Variants in RBX1 observed in about 807,000 individuals in gnomAD.
RBX1 encodes the protein ring-box 1.
For missense variants in RBX1, 46 were observed against 141.4 expected (o/e 0.33, Z 3.42); for synonymous variants, 48 against 47.9 (o/e 1.00, Z -0.01).
chr22:40,970,922 C>T (rs1365942803), intron 4 of RBX1, among the ~76,000 whole-genome samples: 2 of 152,102 alleles, frequency 1.3e-5, no homozygotes, highest in Admixed American at 1.3e-4. Context: ...CTGTTGGGCT[C>T]CCTTCAGCAA....
chr22:40,967,934 G>A, intron 4 of RBX1, 50 bp downstream of exon 4: 2 of 1,299,038 alleles, frequency 1.5e-6, no homozygotes, highest in Non-Finnish European at 1.1e-6. Flanking sequence ...GCCTCAGGCT[G>A]AAAGGAGCGT....
intron 2 of RBX1, among the ~76,000 whole-genome samples, 183 bp downstream of exon 2, chr22:40,953,816 A>G (rs1365736741): frequency 6.6e-6 from 1 of 152,170 alleles, no homozygotes; most frequent in African/African-American, 2.4e-5. Context: ...TCCTGGAGGC[A>G]TACCCAGCTC....
intron 3 of RBX1, 57 bp downstream of exon 3, chr22:40,964,174 G>A (rs1391630579): frequency 7.4e-7 from 1 of 1,348,430 alleles, no homozygotes. Flanking sequence ...CACTTTTCCT[G>A]CTTTGCTAGT....
intron 2 of RBX1, among the ~76,000 whole-genome samples, chr22:40,960,624 AATAC>A (rs2058337272): frequency 6.6e-6 from 1 of 152,154 alleles, no homozygotes; most frequent in Non-Finnish European, 1.5e-5. Flanking sequence ...CTAATTTTAT[AATAC>A]ATAGTCTTCC....
chr22:40,961,217 A>G (rs1162930024), intron 2 of RBX1, among the ~76,000 whole-genome samples: 2 of 147,476 alleles, frequency 1.4e-5, no homozygotes. Context: ...CCTCCTTAGT[A>G]GCTGGGACCA....
intron 2 of RBX1, among the ~76,000 whole-genome samples, chr22:40,960,762 T>A (rs879702740): frequency 2.0e-5 from 3 of 152,042 alleles, no homozygotes; most frequent in Non-Finnish European, 4.4e-5. Flanking sequence ...CTAGATCCCT[T>A]TTTTGTTTGT....
chr22:40,971,538 T>C (rs1983489439), intron 4 of RBX1, among the ~76,000 whole-genome samples: 1 of 152,048 alleles, frequency 6.6e-6, no homozygotes, highest in South Asian at 2.1e-4. Flanking sequence ...AGAAATTCCT[T>C]GGCTTTATTT....
chr22:40,951,561 T>G, intron 1 of RBX1, 85 bp downstream of exon 1: 1 of 1,328,986 alleles, frequency 7.5e-7, no homozygotes, highest in Non-Finnish European at 1.0e-6. Flanking sequence ...AGGCGCGGAG[T>G]AAAGGGTTTC....
At chr22:40,962,183 C>T (rs1024065912) in intron 2 of RBX1, among the ~76,000 whole-genome samples, 11 of 152,044 alleles carry the variant, frequency 7.2e-5, no homozygotes, top group African/African-American at 2.7e-4. Context: ...CTCACTGCAA[C>T]CTCTGCCCCT....
intron 2 of RBX1, among the ~76,000 whole-genome samples, chr22:40,962,349 G>A (rs1052245000): frequency 6.6e-6 from 1 of 152,056 alleles, no homozygotes; most frequent in Non-Finnish European, 1.5e-5. Flanking sequence ...CTCTCATAGT[G>A]CTGGCATTAC....
At chr22:40,958,959 A>G (rs1203030137) in intron 2 of RBX1, among the ~76,000 whole-genome samples, 1 of 152,074 alleles carries the variant, frequency 6.6e-6, no homozygotes, top group East Asian at 1.9e-4. Context: ...GACTGCAGGT[A>G]TGCACCAGCA....
Position 40,972,720 on chromosome 22 carries a change from T to G in RBX1, c.*232T>G, listed in dbSNP as rs2058372424. 1 of 477,824 alleles carries G rather than the reference T, an allele frequency of 2.1e-6. No homozygotes were observed. Among genetic ancestry groups the G allele is most frequent in the Admixed American group, 3.4e-5 (1 of 29,138 alleles). The allele number at this position is 477,824 out of a possible 1,614,324, so 29.6% of individuals were successfully genotyped here. ...GTGAACATAAATGAAGAGTCTCCCC[T>G]TCCAAGGCTGAAAACTCAGCTTTTG... is the stretch of plus-strand genomic sequence containing the variant. On this transcript the variant is annotated 3_prime_UTR_variant, in exon 5 of 5. Coordinates refer to ENST00000216225, the MANE Select transcript of RBX1 (RefSeq NM_014248.4).
At chr22:40,951,751 A>C (rs1483365741) in intron 1 of RBX1, among the ~76,000 whole-genome samples, 6 of 143,314 alleles carry the variant, frequency 4.2e-5, no homozygotes, top group African/African-American at 1.3e-4. Context: ...GGCGGGAGCC[A>C]AGCGCTTGAG....
chr22:40,953,678 A>G (rs778048947), intron 2 of RBX1, 45 bp downstream of exon 2: 1 of 1,343,032 alleles, frequency 7.4e-7, no homozygotes, highest in South Asian at 1.2e-5. Context: ...AAGGTTGCAG[A>G]GATTGTGGCT....
intron 4 of RBX1, among the ~76,000 whole-genome samples, chr22:40,969,326 T>C (rs2058362321): frequency 6.6e-6 from 1 of 152,202 alleles, no homozygotes; most frequent in Non-Finnish European, 1.5e-5. Context: ...CAGTCCCTAT[T>C]GGTGGACATT....
At chr22:40,969,174 G>T (rs566230288) in intron 4 of RBX1, among the ~76,000 whole-genome samples, 3 of 151,944 alleles carry the variant, frequency 2.0e-5, no homozygotes, top group African/African-American at 7.3e-5. Context: ...TCAGCTGGGC[G>T]TGGGGGCACA....
At chr22:40,955,539 TTCTG>T (rs2058323109) in intron 2 of RBX1, among the ~76,000 whole-genome samples, 1 of 152,260 alleles carries the variant, frequency 6.6e-6, no homozygotes, top group Non-Finnish European at 1.5e-5. Context: ...ATATTTTACA[TTCTG>T]TCTTTGTACT....
chr22:40,959,986 T>G (rs1364072630), intron 2 of RBX1, among the ~76,000 whole-genome samples: 1 of 151,304 alleles, frequency 6.6e-6, no homozygotes, highest in African/African-American at 2.4e-5. Flanking sequence ...GGTATGGTAG[T>G]GCACACCTGT....
chr22:40,972,573 A>C lies in RBX1; in HGVS notation c.*85A>C, dbSNP rs1766838257. 2 of 1,137,286 alleles carry C rather than the reference A, an allele frequency of 1.8e-6. No homozygotes were observed. Among genetic ancestry groups the C allele is most frequent in the Non-Finnish European group, 2.6e-6 (2 of 757,954 alleles). 70.4% of individuals were successfully genotyped at this position (1,137,286 alleles called of 1,614,324 possible). A position where few individuals can be genotyped will look rare whatever the true frequency, so the allele number is the denominator to read the frequency against. ...TGTTACCTAATTACAAATTGGATGG[A>C]ACTGTGTTTTTTTCTGCTTTGTTTT... On this transcript the variant is annotated 3_prime_UTR_variant, in exon 5 of 5. Coordinates refer to ENST00000216225, the MANE Select transcript of RBX1 (RefSeq NM_014248.4).
Sources: gnomAD v4.1 joint callset for allele counts (sites outside exome capture counted in the v4.1 genomes callset) on GRCh38, gnomAD v4.1.1 for gene constraint, MANE v1.5 for transcripts, NCBI Gene and HGNC (gene_info 2026-07-23, HGNC 2026-07-21) for gene names.